The following DCAF12 variants were observed in gnomAD, a reference collection of about 807,000 sequenced individuals.
DCAF12 encodes DDB1- and CUL4-associated factor 12.
A neutral mutation model predicts 52.8 loss-of-function variants in DCAF12; 28 were observed. The observed-to-expected ratio is 0.53, with a 90% CI of 0.39 to 0.73. The LOEUF (loss-of-function observed/expected upper bound fraction) is 0.73. Among genes scored for constraint, DCAF12 ranks in the 30% least tolerant of loss-of-function variants. DCAF12 has a pLI of 0.00. For synonymous variants in DCAF12, 196 were observed against 215.5 expected, an observed-to-expected ratio of 0.91 and a Z score of 0.79; for missense variants, 425 against 552.2, an observed-to-expected ratio of 0.77 and a Z score of 2.31.
intron 2 of DCAF12, among the ~76,000 whole-genome samples, chr9:34,112,879 T>G (rs1402523325): frequency 6.6e-6 from 1 of 151,978 alleles, no homozygotes. Context: ...ACCTGGGCAA[T>G]AAGAGCGAAA....
chr9:34,108,679 G>C (rs1048136656), intron 2 of DCAF12, among the ~76,000 whole-genome samples: 2 of 151,810 alleles, frequency 1.3e-5, no homozygotes, highest in African/African-American at 4.8e-5. Context: ...TCAGCTACTC[G>C]GGAGGCTGAG....
chr9:34,126,695 G>A lies in DCAF12; in HGVS notation c.-264C>T, dbSNP rs1389966154. ...AGCCTGCAAGGACGGCGAGCGGCTA[G>A]AACCAAAACACCCCCTCCCCCTTGC... On this transcript the variant is annotated 5_prime_UTR_variant, in exon 1 of 9. Transcript: ENST00000361264. 3.6e-6 allele frequency: 2 copies of A among 552,024 alleles called. No individual in the cohort carries two copies. Among genetic ancestry groups the A allele is most frequent in the African/African-American group, 1.9e-5 (1 of 52,082 alleles). The allele number at this position is 552,024 out of a possible 1,614,324, so 34.2% of individuals were successfully genotyped here.
In DCAF12 at chr9:34,126,499, G is replaced by A. The variant is rs1047455098; in HGVS notation, c.-68C>T. On this transcript the variant is annotated 5_prime_UTR_variant, in exon 1 of 9. Coordinates refer to ENST00000361264, the MANE Select transcript of DCAF12 (RefSeq NM_015397.4). ...GGAAGCGAAGGATAGCAGGACGGCGGGTCATATACTGGGCCCCGGGGCCGC... is the reference window on the plus strand; with the variant it reads ...GGAAGCGAAGGATAGCAGGACGGCGAGTCATATACTGGGCCCCGGGGCCGC... 4.5e-5 allele frequency: 70 copies of A among 1,540,350 alleles called. No individual in the cohort carries two copies. The highest frequency in any genetic ancestry group is 4.8e-5 in the Non-Finnish European group (55 of 1,146,624).
intron 6 of DCAF12, chr9:34,096,305 G>C (rs1828734515): frequency 6.4e-6 from 1 of 155,634 alleles, no homozygotes; most frequent in Non-Finnish European, 1.4e-5. Context: ...CTTATGCCCA[G>C]GAGTTCAAGG....
chr9:34,124,635 G>A (rs1483346163), intron 2 of DCAF12, among the ~76,000 whole-genome samples: 5 of 152,076 alleles, frequency 3.3e-5, no homozygotes, highest in African/African-American at 1.2e-4. Flanking sequence ...TTCGACATAC[G>A]TTCTTAGGCT....
Position 34,126,547 on chromosome 9 carries a change from G to T in DCAF12, c.-116C>A. Reference sequence around the variant, plus strand: ...CGCGCACCTTAGTGCGCCCGGCCCGGAAAATGGCCCGGACCCGGAGCGGCA... The same window carrying T: ...CGCGCACCTTAGTGCGCCCGGCCCGTAAAATGGCCCGGACCCGGAGCGGCA... On this transcript the variant is annotated 5_prime_UTR_variant, in exon 1 of 9. Coordinates refer to ENST00000361264, the MANE Select transcript of DCAF12 (RefSeq NM_015397.4). The T allele has an allele frequency of 8.5e-7, 1 of 1,172,052 alleles. No homozygotes were observed. 72.6% of individuals were successfully genotyped at this position (1,172,052 alleles called of 1,614,324 possible).
At chr9:34,118,825 G>A (rs955719093) in intron 2 of DCAF12, among the ~76,000 whole-genome samples, 4 of 152,074 alleles carry the variant, frequency 2.6e-5, no homozygotes, top group African/African-American at 4.8e-5. Flanking sequence ...TTAGCCGGGC[G>A]TGGTGGCACA....
intron 2 of DCAF12, among the ~76,000 whole-genome samples, chr9:34,117,103 G>A (rs1254974745): frequency 1.3e-5 from 2 of 152,150 alleles, no homozygotes; most frequent in African/African-American, 4.8e-5. Context: ...GATAAGTAAT[G>A]GTACTTCATA....
intron 2 of DCAF12, among the ~76,000 whole-genome samples, chr9:34,115,658 T>A (rs1004479074): frequency 2.6e-5 from 4 of 151,344 alleles, no homozygotes; most frequent in East Asian, 1.9e-4. Flanking sequence ...AGTCTCCCCA[T>A]AGACATATAT....
At chr9:34,118,616 C>T (rs1435513247) in intron 2 of DCAF12, among the ~76,000 whole-genome samples, 2 of 152,012 alleles carry the variant, frequency 1.3e-5, no homozygotes, top group East Asian at 1.9e-4. Context: ...AGAGCAGAGA[C>T]GGTAATTACG....
At chr9:34,118,402 G>A (rs1040059356) in intron 2 of DCAF12, among the ~76,000 whole-genome samples, 2 of 152,096 alleles carry the variant, frequency 1.3e-5, no homozygotes, top group East Asian at 1.9e-4. Context: ...CCAAAGTGCC[G>A]GGATTACCGG....
intron 2 of DCAF12, 75 bp downstream of exon 2, chr9:34,124,948 T>C (rs1039172868): frequency 1.3e-5 from 20 of 1,553,864 alleles, no homozygotes; most frequent in African/African-American, 2.7e-5. Flanking sequence ...ACGGGAAAAC[T>C]AGCAGAGGTT....
intron 2 of DCAF12, among the ~76,000 whole-genome samples, chr9:34,119,637 C>T (rs1829140711): frequency 1.3e-5 from 2 of 150,690 alleles, no homozygotes; most frequent in South Asian, 4.2e-4. Context: ...CAGGTGTGAA[C>T]ATTTTAGGCA....
At chr9:34,118,529 C>A (rs1167902109) in intron 2 of DCAF12, among the ~76,000 whole-genome samples, 3 of 152,068 alleles carry the variant, frequency 2.0e-5, no homozygotes. Flanking sequence ...GTTTTTGTTC[C>A]CTGGTGACAT....
intron 4 of DCAF12, among the ~76,000 whole-genome samples, chr9:34,106,063 T>C (rs1828899575): frequency 6.6e-6 from 1 of 151,176 alleles, no homozygotes; most frequent in African/African-American, 2.4e-5. Flanking sequence ...TTTAAAATTT[T>C]CTTACAATAA....
At chr9:34,123,476 A>G (rs555682825) in intron 2 of DCAF12, among the ~76,000 whole-genome samples, 1 of 152,322 alleles carries the variant, frequency 6.6e-6, no homozygotes, top group South Asian at 2.1e-4. Context: ...CCAATGTCAC[A>G]AAGTTCAGAG....
At chr9:34,112,363 A>C (rs559142583) in intron 2 of DCAF12, among the ~76,000 whole-genome samples, 1 of 152,262 alleles carries the variant, frequency 6.6e-6, no homozygotes, top group South Asian at 2.1e-4. Flanking sequence ...TGGGAGGCCA[A>C]GGCAGGCGGA....
intron 2 of DCAF12, among the ~76,000 whole-genome samples, chr9:34,116,323 C>T (rs1368452377): frequency 6.6e-6 from 1 of 151,926 alleles, no homozygotes; most frequent in African/African-American, 2.4e-5. Context: ...GAACTCCAGC[C>T]TGGGCGACAG....
intron 6 of DCAF12, 67 bp downstream of exon 6, chr9:34,096,649 T>C: frequency 2.2e-6 from 3 of 1,386,690 alleles, no homozygotes; most frequent in Admixed American, 1.9e-5. Context: ...AAAGCTCAGC[T>C]AGAATTACAG....
Sources: gnomAD v4.1 joint callset for allele counts (sites outside exome capture counted in the v4.1 genomes callset) on GRCh38, gnomAD v4.1.1 for gene constraint, MANE v1.5 for transcripts, NCBI Gene and HGNC (gene_info 2026-07-23, HGNC 2026-07-21) for gene names.